Variants in MARCHF1 observed in about 807,000 individuals in gnomAD.
The protein encoded by MARCHF1 is E3 ubiquitin-protein ligase MARCHF1.
MARCHF1 carries 40 observed loss-of-function variants against 54.2 expected under a neutral mutation model. The ratio of observed to expected loss-of-function variants is 0.74; its 90% CI spans 0.57 to 0.96. MARCHF1 has a LOEUF of 0.96. MARCHF1 is among the 40% of genes least tolerant of loss of function. MARCHF1 has a pLI of 0.00. For synonymous variants in MARCHF1, 236 were observed against 236.3 expected (o/e 1.00, Z 0.01); for missense variants, 586 against 656.5 (o/e 0.89, Z 1.17).
In MARCHF1 at chr4:164,241,811, T is replaced by C. The variant is rs542971310; in HGVS notation, c.-322-130149A>G. Among the ~76,000 whole-genome samples, 28 of 152,294 alleles carry C rather than the reference T, an allele frequency of 1.8e-4. No homozygotes were observed. The East Asian group carries it at 3.1e-3, about 17-fold the overall frequency. ...GAAGCAGGGCGAGGCATTGCCTCAC[T>C]TGGGAAGCACAAGAGGTCAGGGAGT... On this transcript the variant is annotated intron_variant, in intron 1 of 9. Coordinates refer to ENST00000514618, the MANE Select transcript of MARCHF1 (RefSeq NM_001394959.1).
At chr4:163,750,082 C>A (rs1250653294) in intron 4 of MARCHF1, among the ~76,000 whole-genome samples, 1 of 148,962 alleles carries the variant, frequency 6.7e-6, no homozygotes. Context: ...AAAAAAAGAT[C>A]TCTTCCTCTT....
chr4:164,241,273 G>A (rs1175672031), intron 1 of MARCHF1, among the ~76,000 whole-genome samples: 1 of 152,030 alleles, frequency 6.6e-6, no homozygotes, highest in African/African-American at 2.4e-5. Context: ...AAAAACCCTA[G>A]CCTCAGAACT....
At chr4:164,165,379 T>TCTCTCTCTCTCTCC (rs1451470506) in intron 1 of MARCHF1, among the ~76,000 whole-genome samples, 2 of 151,968 alleles carry the variant, frequency 1.3e-5, no homozygotes, top group African/African-American at 4.8e-5. Flanking sequence ...TCTCTCTCTC[T>TCTCTCTCTCTCTCC]CTCTGCCTCT....
intron 5 of MARCHF1, among the ~76,000 whole-genome samples, chr4:163,613,864 T>G (rs1054055307): frequency 8.5e-5 from 13 of 152,154 alleles, no homozygotes; most frequent in African/African-American, 3.1e-4. Flanking sequence ...GAAAATACTT[T>G]GTAATATTTA....
At chr4:164,266,442 G>C (rs1658245233) in intron 1 of MARCHF1, among the ~76,000 whole-genome samples, 2 of 152,180 alleles carry the variant, frequency 1.3e-5, no homozygotes, top group African/African-American at 2.4e-5. Flanking sequence ...CTTAAAAATA[G>C]TAATACTTAT....
At chr4:164,028,234 G>A (rs1489850211) in intron 2 of MARCHF1, among the ~76,000 whole-genome samples, 2 of 152,070 alleles carry the variant, frequency 1.3e-5, no homozygotes, top group Non-Finnish European at 2.9e-5. Context: ...TATACCAAAA[G>A]GAAAATAAAT....
intron 1 of MARCHF1, chr4:164,189,204 A>T: frequency 3.5e-6 from 2 of 563,838 alleles, no homozygotes; most frequent in East Asian, 3.1e-5. Context: ...AGACTGACAA[A>T]GATGTCAGGA....
intron 5 of MARCHF1, among the ~76,000 whole-genome samples, chr4:163,683,018 T>A (rs1027905008): frequency 6.6e-6 from 1 of 152,224 alleles, no homozygotes; most frequent in Non-Finnish European, 1.5e-5. Context: ...TATATTTTGA[T>A]AATTTTTTGA....
At chr4:163,861,863 G>GA (rs34571807) in intron 3 of MARCHF1, among the ~76,000 whole-genome samples, 1 of 151,636 alleles carries the variant, frequency 6.6e-6, no homozygotes. Flanking sequence ...TGTGGTGTTG[G>GA]AAAAAAAAGT....
chr4:164,173,686 TTCTCTTGCTCCC>T (rs1215274300), intron 1 of MARCHF1, among the ~76,000 whole-genome samples: 16 of 152,278 alleles, frequency 1.1e-4, no homozygotes, highest in African/African-American at 3.9e-4. Context: ...GTCCTCCCCT[TTCTCTTGCTCCC>T]TCTCTTGCCA....
At chr4:164,344,132 C>T (rs1730006699) in intron 1 of MARCHF1, among the ~76,000 whole-genome samples, 1 of 152,144 alleles carries the variant, frequency 6.6e-6, no homozygotes, top group African/African-American at 2.4e-5. Flanking sequence ...AACAGAAAAC[C>T]AAATACCACA....
At chr4:163,984,451 G>A (rs1166946352) in intron 3 of MARCHF1, among the ~76,000 whole-genome samples, 1 of 152,096 alleles carries the variant, frequency 6.6e-6, no homozygotes, top group Non-Finnish European at 1.5e-5. Context: ...ATCATCTAAG[G>A]TATAGACTCA....
chr4:163,970,227 A>G (rs1034963487), intron 3 of MARCHF1, among the ~76,000 whole-genome samples: 4 of 152,218 alleles, frequency 2.6e-5, no homozygotes, highest in African/African-American at 9.6e-5. Context: ...AAGTTGTAAT[A>G]TATTGTAAAC....
At position 163,580,805 on chromosome 4, in the gene MARCHF1, T is replaced by TAAAGAGAGAATGTCTCAGC. The variant is rs1740205523; in HGVS notation, c.1191+4943_1191+4944insGCTGAGACATTCTCTCTTT. Among the ~76,000 whole-genome samples, 297 of 116,732 alleles carry TAAAGAGAGAATGTCTCAGC rather than the reference T, an allele frequency of 2.5e-3. 6 individuals carry two copies. Among genetic ancestry groups the TAAAGAGAGAATGTCTCAGC allele is most frequent in the South Asian group, 5.5e-3 (19 of 3,466 alleles). 76.6% of individuals were successfully genotyped at this position (116,732 alleles called of 152,430 possible). A position where few individuals can be genotyped will look rare whatever the true frequency, so the allele number is the denominator to read the frequency against. The stretch of plus-strand genomic sequence containing the variant: ...ATTTAAGTAAGTATTAAAGTTTTTT[T>TAAAGAGAGAATGTCTCAGC]TTTTTTTTGAGACGGAGTCTCGCTC... On this transcript the variant is annotated intron_variant, in intron 8 of 9. Coordinates refer to ENST00000514618, the MANE Select transcript of MARCHF1 (RefSeq NM_001394959.1).
intron 7 of MARCHF1, among the ~76,000 whole-genome samples, chr4:163,608,360 T>C (rs1029066431): frequency 6.6e-6 from 1 of 152,050 alleles, no homozygotes; most frequent in South Asian, 2.1e-4. Flanking sequence ...TTTCAGGGAA[T>C]TGGAAACAGA....
At chr4:163,556,843 C>G (rs559943012) in intron 8 of MARCHF1, among the ~76,000 whole-genome samples, 1 of 151,530 alleles carries the variant, frequency 6.6e-6, no homozygotes, top group East Asian at 1.9e-4. Context: ...TGGCACCATA[C>G]TGACTCAGCG....
At chr4:164,136,861 G>C (rs1353424168) in intron 1 of MARCHF1, among the ~76,000 whole-genome samples, 1 of 152,202 alleles carries the variant, frequency 6.6e-6, no homozygotes, top group African/African-American at 2.4e-5. Context: ...AATCAATGTA[G>C]TATGGAAGAG....
At chr4:164,122,620 C>T (rs1756093362) in intron 1 of MARCHF1, among the ~76,000 whole-genome samples, 1 of 152,036 alleles carries the variant, frequency 6.6e-6, no homozygotes. Flanking sequence ...GTCGCATCCA[C>T]TGCCCACCAG....
intron 3 of MARCHF1, among the ~76,000 whole-genome samples, chr4:163,886,270 TATAG>T (rs967065490): frequency 8.0e-5 from 12 of 150,406 alleles, no homozygotes; most frequent in African/African-American, 1.5e-4. Flanking sequence ...TATAGGTAGA[TATAG>T]ATAGATATAT....
Sources: gnomAD v4.1 joint callset for allele counts (sites outside exome capture counted in the v4.1 genomes callset) on GRCh38, gnomAD v4.1.1 for gene constraint, MANE v1.5 for transcripts, NCBI Gene and HGNC (gene_info 2026-07-23, HGNC 2026-07-21) for gene names.